DGKG: variants seen among roughly 807,000 people sequenced by gnomAD.
DGKG encodes the protein DAG kinase gamma.
In DGKG, 78 loss-of-function variants were observed where a neutral mutation model predicts 105.3. That is an observed-to-expected ratio of 0.74 (90% CI 0.62 to 0.89). The LOEUF (loss-of-function observed/expected upper bound fraction) is 0.89. Among genes scored for constraint, DGKG ranks in the 40% least tolerant of loss-of-function variants. The pLI, the probability that DGKG is intolerant of heterozygous loss-of-function variation, is 0.00. For synonymous variants in DGKG, 346 were observed against 367.1 expected (o/e 0.94, Z 0.66); for missense variants, 958 against 1,020.1 (o/e 0.94, Z 0.83).
chr3:186,208,496 A>G (rs1315869725), intron 21 of DGKG, among the ~76,000 whole-genome samples: 1 of 152,094 alleles, frequency 6.6e-6, no homozygotes, highest in Non-Finnish European at 1.5e-5. Context: ...AGTTCCTTAC[A>G]GCTGTGCCCT....
intron 1 of DGKG, among the ~76,000 whole-genome samples, chr3:186,356,443 G>A (rs1005628403): frequency 1.3e-5 from 2 of 152,166 alleles, no homozygotes; most frequent in African/African-American, 2.4e-5. Context: ...GGGTGAAGGC[G>A]AGCAGGTGGG....
At chr3:186,267,878 C>G in intron 12 of DGKG, 101 bp from the exon 13 acceptor site, 1 of 1,031,224 alleles carries the variant, frequency 9.7e-7, no homozygotes, top group Admixed American at 1.8e-5. Context: ...TCTAGTGCTC[C>G]CCCAAATCCT....
chr3:186,260,478 T>C lies in DGKG; in HGVS notation c.1385A>G (p.Lys462Arg), dbSNP rs200708714. 9.9e-6 allele frequency: 16 copies of C among 1,613,632 alleles called. No individual in the cohort carries two copies. Among genetic ancestry groups the C allele is most frequent in the Middle Eastern group, 1.6e-4 (1 of 6,062 alleles). Residue 462 changes from lysine to arginine, a missense_variant, in exon 16 of 25, where the codon AAA becomes AGA. Physicochemically the swap from Lys to Arg is conservative, Grantham distance 26. This residue lies in a region of DGKG where 643 missense variants were observed against 619.5 expected (regional missense o/e 1.04). Transcript: ENST00000265022. ...CCCATTGTCCAGGTTGAAAACTTGT[T>C]TGGGGTTGAGCAGATAGTGGAATTT... ...LRKFHYLLNP[K>R]QVFNLDNGGP...
At chr3:186,311,164 G>A (rs1322735558) in intron 2 of DGKG, among the ~76,000 whole-genome samples, 1 of 152,090 alleles carries the variant, frequency 6.6e-6, no homozygotes, top group Non-Finnish European at 1.5e-5. Context: ...AGCATCTCTT[G>A]AGGAACCCAG....
chr3:186,205,123 G>C (rs926580568), intron 21 of DGKG, among the ~76,000 whole-genome samples: 1 of 152,014 alleles, frequency 6.6e-6, no homozygotes, highest in Non-Finnish European at 1.5e-5. Flanking sequence ...TGGACATGGT[G>C]GTGGGTGCCT....
chr3:186,299,999 G>A (rs747685606), intron 3 of DGKG, among the ~76,000 whole-genome samples: 4 of 151,562 alleles, frequency 2.6e-5, no homozygotes, highest in Admixed American at 2.0e-4. Flanking sequence ...CACCATGCCC[G>A]GCTATTTTTG....
chr3:186,239,082 G>A (rs2108548539), intron 20 of DGKG, among the ~76,000 whole-genome samples: 1 of 152,328 alleles, frequency 6.6e-6, no homozygotes, highest in Non-Finnish European at 1.5e-5. Context: ...AACCCCTGAA[G>A]CCCTTGGATC....
At chr3:186,360,501 C>T (rs577103836) in intron 1 of DGKG, among the ~76,000 whole-genome samples, 1 of 152,290 alleles carries the variant, frequency 6.6e-6, no homozygotes, top group East Asian at 1.9e-4. Flanking sequence ...GAATCTCCAG[C>T]AAATGTAGTC....
At chr3:186,257,701 C>T (rs1238871213) in intron 17 of DGKG, 153 bp downstream of exon 17, 15 of 552,714 alleles carry the variant, frequency 2.7e-5, no homozygotes, top group Non-Finnish European at 4.5e-5. Context: ...TTTTTTTCCA[C>T]CCAAAGCAAA....
At chr3:186,165,731 A>C (rs1171241590) in intron 22 of DGKG, among the ~76,000 whole-genome samples, 1 of 152,210 alleles carries the variant, frequency 6.6e-6, no homozygotes, top group East Asian at 1.9e-4. Flanking sequence ...CACAACCTAG[A>C]TGAGGTCCTT....
intron 2 of DGKG, among the ~76,000 whole-genome samples, chr3:186,316,314 A>G (rs1259865482): frequency 6.6e-6 from 1 of 152,260 alleles, no homozygotes; most frequent in Admixed American, 6.5e-5. Context: ...GTTAAGGGAA[A>G]GAAAACAGCA....
intron 17 of DGKG, 155 bp downstream of exon 17, chr3:186,257,699 C>A: frequency 5.9e-6 from 3 of 506,650 alleles, no homozygotes; most frequent in East Asian, 3.1e-5. Context: ...TTTTTTTTTC[C>A]ACCCAAAGCA....
chr3:186,163,157 C>T (rs760017663), intron 23 of DGKG, among the ~76,000 whole-genome samples: 10 of 152,100 alleles, frequency 6.6e-5, no homozygotes, highest in Admixed American at 2.0e-4. Flanking sequence ...AGGTGCACAT[C>T]ACCACACCTG....
intron 21 of DGKG, among the ~76,000 whole-genome samples, chr3:186,191,112 C>G (rs576486129): frequency 6.6e-6 from 1 of 152,240 alleles, no homozygotes; most frequent in East Asian, 1.9e-4. Flanking sequence ...AGTGGTGGAG[C>G]TAGATATGTA....
intron 24 of DGKG, chr3:186,161,220 ATTT>A: frequency 3.0e-6 from 3 of 1,010,286 alleles, no homozygotes; most frequent in Admixed American, 5.6e-5. Flanking sequence ...TAAGGAAGCA[ATTT>A]GACTTGTTCA....
intron 21 of DGKG, among the ~76,000 whole-genome samples, chr3:186,209,241 C>T (rs572174150): frequency 6.6e-6 from 1 of 151,876 alleles, no homozygotes; most frequent in Non-Finnish European, 1.5e-5. Flanking sequence ...GCTGGGACTA[C>T]AGGCGCCCAC....
rs562389379 is a variant in DGKG, at chr3:186,155,620, T to G, written c.2278-5432A>C. Among the ~76,000 whole-genome samples the G allele has an allele frequency of 4.9e-4, 74 of 152,366 alleles. 1 individual carries two copies. The South Asian group carries it at 0.015, about 31-fold the overall frequency. On this transcript the variant is annotated intron_variant, in intron 24 of 24. Coordinates refer to ENST00000265022, the MANE Select transcript of DGKG (RefSeq NM_001346.3). The stretch of plus-strand genomic sequence containing the variant: ...TCTCTGTATTTCTGGTAATCTGTAT[T>G]TTACTTAGAATAAATTCCTAGAAGT...
chr3:186,273,763 G>A (rs1722444735), intron 10 of DGKG, among the ~76,000 whole-genome samples: 1 of 152,192 alleles, frequency 6.6e-6, no homozygotes, highest in Non-Finnish European at 1.5e-5. Context: ...GAGGTCACTT[G>A]CTGCCTAATT....
intron 21 of DGKG, among the ~76,000 whole-genome samples, chr3:186,193,508 T>C (rs1718007639): frequency 6.6e-6 from 1 of 152,230 alleles, no homozygotes; most frequent in African/African-American, 2.4e-5. Flanking sequence ...GCTGGAGGCA[T>C]CTTAACGGCC....
Sources: allele counts gnomAD v4.1 joint callset (sites outside exome capture counted in the v4.1 genomes callset), GRCh38; gene constraint gnomAD v4.1.1; regional missense constraint gnomAD v4.1.1; transcripts MANE v1.5; gene names NCBI Gene and HGNC (gene_info 2026-07-23, HGNC 2026-07-21).